Variants in DTNA observed in about 807,000 individuals in gnomAD.
DTNA encodes dystrophin-related protein 3.
A neutral mutation model predicts 100.7 loss-of-function variants in DTNA; 43 were observed. The ratio of observed to expected loss-of-function variants is 0.43; its 90% confidence interval spans 0.33 to 0.55. The LOEUF (loss-of-function observed/expected upper bound fraction) is 0.55, where lower values mean the gene tolerates loss of function less well. Ranked by LOEUF, DTNA falls within the 20% of genes least tolerant of loss-of-function variation. The pLI is 0.04. For synonymous variants in DTNA, 349 were observed against 347.9 expected, an observed-to-expected ratio of 1.00 and a Z score of -0.04; for missense variants, 798 against 953.9, an observed-to-expected ratio of 0.84 and a Z score of 2.15.
chr18:34,505,099 G>A (rs2040354718), intron 1 of DTNA, among the ~76,000 whole-genome samples: 1 of 152,210 alleles, frequency 6.6e-6, no homozygotes, highest in South Asian at 2.1e-4. Context: ...TCAAAAATCA[G>A]TTTCACAGGG....
At chr18:34,826,186 G>C (rs899126995) in intron 9 of DTNA, among the ~76,000 whole-genome samples, 2 of 151,940 alleles carry the variant, frequency 1.3e-5, no homozygotes, top group Non-Finnish European at 2.9e-5. Flanking sequence ...TTTAGCACCA[G>C]CTACCTTGAA....
At chr18:34,584,638 A>G (rs1426594608) in intron 1 of DTNA, among the ~76,000 whole-genome samples, 2 of 152,214 alleles carry the variant, frequency 1.3e-5, no homozygotes, top group Admixed American at 6.5e-5. Context: ...AATAGAGGTC[A>G]GAAATTGCTA....
chr18:34,569,786 G>A (rs1598641345), intron 1 of DTNA, among the ~76,000 whole-genome samples: 1 of 152,016 alleles, frequency 6.6e-6, no homozygotes, highest in East Asian at 1.9e-4. Flanking sequence ...TTCTATTAAG[G>A]CCTTTAGCTG....
Position 34,890,224 on chromosome 18 carries a change from A to C in DTNA, c.*2490A>C. 6.7e-7 allele frequency: 1 copy of C among 1,484,094 alleles called. No individual in the cohort carries two copies. Among genetic ancestry groups the C allele is most frequent in the Non-Finnish European group, 8.9e-7 (1 of 1,123,280 alleles). 91.9% of individuals were successfully genotyped at this position (1,484,094 alleles called of 1,614,324 possible). ...ACATGGTTGTTGATATCGTCATATA[A>C]AGCCATTGCAAGGACTCTGGAAACT... is the stretch of plus-strand genomic sequence containing the variant. On this transcript the variant is annotated 3_prime_UTR_variant, in exon 23 of 23. Coordinates refer to ENST00000444659, the MANE Select transcript of DTNA (RefSeq NM_001386795.1).
chr18:34,607,075 C>T (rs2053278255), intron 1 of DTNA, among the ~76,000 whole-genome samples: 1 of 152,164 alleles, frequency 6.6e-6, no homozygotes, highest in Non-Finnish European at 1.5e-5. Context: ...TTTGAATTCT[C>T]AAGTATTTGC....
chr18:34,563,785 A>T (rs541017315), intron 1 of DTNA, among the ~76,000 whole-genome samples: 2 of 152,354 alleles, frequency 1.3e-5, no homozygotes, highest in East Asian at 3.9e-4. Flanking sequence ...ACTAAACTAC[A>T]TTCAGAAAAT....
At chr18:34,498,481 A>T (rs564055070) in intron 1 of DTNA, among the ~76,000 whole-genome samples, 4 of 146,230 alleles carry the variant, frequency 2.7e-5, no homozygotes, top group South Asian at 2.1e-4. Context: ...TAATAATAAT[A>T]ATTTAATCAC....
intron 1 of DTNA, among the ~76,000 whole-genome samples, chr18:34,658,872 G>C (rs1261297040): frequency 2.0e-5 from 3 of 152,068 alleles, no homozygotes; most frequent in African/African-American, 7.2e-5. Context: ...TAATAAAATG[G>C]CCAGAATTAA....
At chr18:34,808,953 T>G (rs985265432) in intron 5 of DTNA, among the ~76,000 whole-genome samples, 3 of 152,182 alleles carry the variant, frequency 2.0e-5, no homozygotes, top group Non-Finnish European at 4.4e-5. Flanking sequence ...AATCACACCC[T>G]TATGTGTCCC....
intron 11 of DTNA, among the ~76,000 whole-genome samples, chr18:34,835,116 T>G (rs1262708189): frequency 1.3e-5 from 2 of 152,184 alleles, no homozygotes; most frequent in African/African-American, 2.4e-5. Context: ...CTGTACATAG[T>G]CATATTTTTG....
At chr18:34,758,501 A>G (rs1460749412) in intron 2 of DTNA, among the ~76,000 whole-genome samples, 1 of 152,222 alleles carries the variant, frequency 6.6e-6, no homozygotes, top group Non-Finnish European at 1.5e-5. Context: ...GGGGAAAAAT[A>G]CTGGAGGACT....
At chr18:34,755,188 AG>A (rs914388466) in intron 1 of DTNA, among the ~76,000 whole-genome samples, 5 of 152,238 alleles carry the variant, frequency 3.3e-5, no homozygotes, top group African/African-American at 1.2e-4. Context: ...CTTGATATTT[AG>A]CCCAAAGCCC....
At chr18:34,590,700 A>G (rs529857840) in intron 1 of DTNA, among the ~76,000 whole-genome samples, 82 of 152,334 alleles carry the variant, frequency 5.4e-4, no homozygotes, top group African/African-American at 1.9e-3. Flanking sequence ...TGCCTGTTAC[A>G]TGCCCAGTTT....
At position 34,811,992 on chromosome 18, in the gene DTNA, T is replaced by C. The variant is rs199960642; in HGVS notation, c.482T>C (p.Val161Ala). The change falls in exon 6 of 23, where the codon GTG becomes GCG. Residue 161 changes from valine (V) to alanine (A), a missense_variant. Physicochemically the swap from Val to Ala is moderately conservative, Grantham distance 64 (BLOSUM62 0). Coordinates refer to ENST00000444659, the MANE Select transcript of DTNA (RefSeq NM_001386795.1). ...IFSMISDSSG[V>A]MVYGRYDQFL... Reference sequence around the variant, plus strand: ...TCAATGATTTCTGACTCCAGTGGGGTGATGGTTTATGGACGATATGACCAA... The same window carrying C: ...TCAATGATTTCTGACTCCAGTGGGGCGATGGTTTATGGACGATATGACCAA... 91 of 1,613,896 alleles carry C rather than the reference T, an allele frequency of 5.6e-5. No homozygotes were observed. Among genetic ancestry groups the C allele is most frequent in the Middle Eastern group, 3.3e-4 (2 of 6,084 alleles).
At chr18:34,771,221 C>T (rs1397293226) in intron 3 of DTNA, among the ~76,000 whole-genome samples, 1 of 152,108 alleles carries the variant, frequency 6.6e-6, no homozygotes, top group African/African-American at 2.4e-5. Flanking sequence ...CTTGTAAGTC[C>T]AGGCGTGGTG....
At chr18:34,510,429 G>C (rs1335242087) in intron 1 of DTNA, among the ~76,000 whole-genome samples, 1 of 151,644 alleles carries the variant, frequency 6.6e-6, no homozygotes, top group Non-Finnish European at 1.5e-5. Context: ...TGTGCTTCTC[G>C]AAGCTTTCAC....
At chr18:34,702,294 A>G (rs2081485224) in intron 1 of DTNA, among the ~76,000 whole-genome samples, 1 of 152,180 alleles carries the variant, frequency 6.6e-6, no homozygotes, top group Non-Finnish European at 1.5e-5. Flanking sequence ...CTCATAGCCC[A>G]TTCCAAGCAT....
chr18:34,493,630 C>T (rs1191575102), intron 1 of DTNA: 2 of 150,650 alleles, frequency 1.3e-5, no homozygotes, highest in Non-Finnish European at 3.0e-5. Flanking sequence ...CGCGCTGCCC[C>T]CGGCCGCCCG....
upstream of DTNA, among the ~76,000 whole-genome samples, chr18:34,710,051 T>C (rs190994277): frequency 6.6e-6 from 1 of 152,288 alleles, no homozygotes; most frequent in East Asian, 1.9e-4. Context: ...CATTAGTTAG[T>C]TGGGAAACCT....
Sources: gnomAD v4.1 joint callset for allele counts (sites outside exome capture counted in the v4.1 genomes callset) on GRCh38, gnomAD v4.1.1 for gene constraint, MANE v1.5 for transcripts, NCBI Gene and HGNC (gene_info 2026-07-23, HGNC 2026-07-21) for gene names.